Variants in CAMK1D observed in about 807,000 individuals in gnomAD.
The protein encoded by CAMK1D is calcium/calmodulin-dependent protein kinase type 1D.
A neutral mutation model predicts 47.7 loss-of-function variants in CAMK1D; 9 were observed. The observed-to-expected ratio is 0.19, with a 90% confidence interval of 0.11 to 0.33. The LOEUF is 0.33. CAMK1D is among the 10% of genes least tolerant of loss of function. CAMK1D has a pLI of 1.00. For missense variants in CAMK1D, 291 were observed against 488.7 expected (o/e 0.60, Z 3.81); for synonymous variants, 184 against 184.9 (o/e 0.99, Z 0.04).
intron 3 of CAMK1D, among the ~76,000 whole-genome samples, chr10:12,734,474 G>A (rs146961476): frequency 0.48 from 3,616 of 7,472 alleles, 768 homozygotes; most frequent in Middle Eastern, 0.67. Flanking sequence ...ACACATATGT[G>A]TATATATACA....
At chr10:12,640,062 T>G (rs999278637) in intron 2 of CAMK1D, among the ~76,000 whole-genome samples, 2 of 152,234 alleles carry the variant, frequency 1.3e-5, no homozygotes, top group African/African-American at 2.4e-5. Flanking sequence ...AGACAGAAAC[T>G]GACAGATGTC....
At chr10:12,705,939 A>G (rs1833713743) in intron 3 of CAMK1D, among the ~76,000 whole-genome samples, 1 of 152,230 alleles carries the variant, frequency 6.6e-6, no homozygotes, top group Non-Finnish European at 1.5e-5. Flanking sequence ...ATGTATTATA[A>G]TAACTTAGCA....
intron 1 of CAMK1D, among the ~76,000 whole-genome samples, chr10:12,451,203 A>G (rs939266911): frequency 1.3e-5 from 2 of 152,126 alleles, no homozygotes; most frequent in African/African-American, 4.8e-5. Flanking sequence ...CTCACTCTCA[A>G]CCTCAGAAGC....
intron 1 of CAMK1D, among the ~76,000 whole-genome samples, chr10:12,548,191 A>G (rs370600088): frequency 1.3e-5 from 2 of 152,166 alleles, no homozygotes; most frequent in African/African-American, 2.4e-5. Context: ...TGTCTGCTTC[A>G]TGGGGTCGCT....
intron 3 of CAMK1D, among the ~76,000 whole-genome samples, chr10:12,730,207 T>TGG (rs1834828924): frequency 6.6e-6 from 1 of 151,744 alleles, no homozygotes; most frequent in Non-Finnish European, 1.5e-5. Context: ...GATAGGGAGA[T>TGG]GGGGTAGGAT....
intron 6 of CAMK1D, among the ~76,000 whole-genome samples, chr10:12,793,594 C>T (rs888397021): frequency 3.3e-5 from 5 of 152,234 alleles, no homozygotes; most frequent in African/African-American, 1.2e-4. Context: ...AATTCGTTTC[C>T]TGGTGAGGGC....
intron 3 of CAMK1D, among the ~76,000 whole-genome samples, chr10:12,705,674 G>A (rs1033223602): frequency 6.6e-6 from 1 of 152,132 alleles, no homozygotes; most frequent in African/African-American, 2.4e-5. Flanking sequence ...AGAAACAAAG[G>A]ACATTGCCCC....
chr10:12,691,921 A>G (rs2130670823), intron 3 of CAMK1D, among the ~76,000 whole-genome samples: 1 of 152,292 alleles, frequency 6.6e-6, no homozygotes, highest in South Asian at 2.1e-4. Context: ...CCTATGGTAT[A>G]AATGTTGAGG....
intron 2 of CAMK1D, among the ~76,000 whole-genome samples, chr10:12,628,800 T>G (rs1006713998): frequency 6.6e-6 from 1 of 152,212 alleles, no homozygotes; most frequent in Non-Finnish European, 1.5e-5. Context: ...CCCCTTCTCC[T>G]TCCAATCTTT....
intron 3 of CAMK1D, among the ~76,000 whole-genome samples, chr10:12,692,970 C>G (rs1481476193): frequency 9.9e-5 from 15 of 152,128 alleles, no homozygotes; most frequent in Admixed American, 9.8e-4. Flanking sequence ...AAACACTAGG[C>G]TAGATGCTGC....
chr10:12,535,910 G>A (rs11257868), intron 1 of CAMK1D, among the ~76,000 whole-genome samples: 5,092 of 152,172 alleles, frequency 0.033, 172 homozygotes, highest in East Asian at 0.12. Context: ...CACCACAGAT[G>A]AGGACACAGG....
At chr10:12,614,629 CTT>C (rs1838726857) in intron 2 of CAMK1D, among the ~76,000 whole-genome samples, 1 of 152,116 alleles carries the variant, frequency 6.6e-6, no homozygotes, top group Admixed American at 6.6e-5. Flanking sequence ...TTCTTGCTGA[CTT>C]TATATTCTAG....
chr10:12,623,470 TCCC>T, intron 2 of CAMK1D, among the ~76,000 whole-genome samples: 1 of 11,240 alleles, frequency 8.9e-5, no homozygotes. Context: ...CCTCTCTCCC[TCCC>T]TCCTTCCTCC....
intron 2 of CAMK1D, among the ~76,000 whole-genome samples, chr10:12,644,206 T>C (rs991630297): frequency 3.3e-5 from 5 of 152,162 alleles, no homozygotes; most frequent in Non-Finnish European, 7.4e-5. Flanking sequence ...CCCCGTAAAC[T>C]TCCCGCCCTA....
rs568813298 is a variant in CAMK1D at position 12,666,718 on chromosome 10, G to T, written c.225-18G>T. 1 of 1,595,560 alleles carries T rather than the reference G, an allele frequency of 6.3e-7. No individual in the cohort carries two copies. The highest frequency in any genetic ancestry group is 1.7e-5 in the Admixed American group (1 of 59,480). On this transcript the variant is annotated intron_variant, in intron 2 of 10. Coordinates refer to ENST00000619168, the MANE Select transcript of CAMK1D (RefSeq NM_153498.4). ...TCTAATCATACTCACTATTTTGTGC[G>T]TCTATTTTTTTTTTCAGGATTAAGC...
intron 1 of CAMK1D, among the ~76,000 whole-genome samples, chr10:12,355,948 C>A (rs1490631828): frequency 1.3e-5 from 2 of 152,070 alleles, no homozygotes; most frequent in African/African-American, 4.8e-5. Flanking sequence ...GGGGTGATGG[C>A]AGCTTGAGGT....
At position 12,832,442 on chromosome 10, in the gene CAMK1D, G is replaced by A. The variant is rs1003981682; in HGVS notation, c.*3555G>A. ...CTCAATGACCACCAAAGCCCTTGAGGAGAGACGGGGTTTGCTGTGTTAGAG... is the reference window on the plus strand; with the variant it reads ...CTCAATGACCACCAAAGCCCTTGAGAAGAGACGGGGTTTGCTGTGTTAGAG... On this transcript the variant is annotated 3_prime_UTR_variant, in exon 11 of 11. Coordinates refer to ENST00000619168, the MANE Select transcript of CAMK1D (RefSeq NM_153498.4). 4.6e-5 allele frequency: 7 copies of A among 152,264 alleles called. No individual in the cohort carries two copies. The highest frequency in any genetic ancestry group is 8.8e-5 in the Non-Finnish European group (6 of 68,110). 9.4% of individuals were successfully genotyped at this position (152,264 alleles called of 1,614,324 possible).
intron 2 of CAMK1D, among the ~76,000 whole-genome samples, chr10:12,563,699 G>GA (rs777139357): frequency 0.086 from 5,544 of 64,468 alleles, 165 homozygotes; most frequent in Non-Finnish European, 0.11. Flanking sequence ...GAGAGAGAGA[G>GA]GGAGAGAGAG....
intron 2 of CAMK1D, among the ~76,000 whole-genome samples, chr10:12,664,617 A>C (rs57133273): frequency 0.019 from 2,920 of 152,312 alleles, 49 homozygotes; most frequent in South Asian, 0.12. Context: ...TGCAGGTGCC[A>C]ATCTCTAAAC....
Sources: gnomAD v4.1 joint callset for allele counts (sites outside exome capture counted in the v4.1 genomes callset) on GRCh38, gnomAD v4.1.1 for gene constraint, MANE v1.5 for transcripts, NCBI Gene and HGNC (gene_info 2026-07-23, HGNC 2026-07-21) for gene names.